The following PHC3 variants were observed in gnomAD, a reference collection of about 807,000 sequenced individuals.
The protein encoded by PHC3 is polyhomeotic homolog 3.
PHC3 carries 13 observed loss-of-function variants against 107.4 expected under a neutral mutation model. That is an observed-to-expected ratio of 0.12 (90% CI 0.08 to 0.19). PHC3 has a LOEUF of 0.19. PHC3 is among the 10% of genes least tolerant of loss of function. The pLI is 1.00. For missense variants in PHC3, 992 were observed against 1,210.9 expected, an observed-to-expected ratio of 0.82 and a Z score of 2.68; for synonymous variants, 456 against 427.4, an observed-to-expected ratio of 1.07 and a Z score of -0.83.
chr3:170,160,958 T>C (rs1403506716), intron 4 of PHC3, among the ~76,000 whole-genome samples: 1 of 152,164 alleles, frequency 6.6e-6, no homozygotes, highest in African/African-American at 2.4e-5. Context: ...CTTTTAGAAT[T>C]TATCTAGCAG....
chr3:170,135,137 T>A (rs187842014), intron 7 of PHC3, among the ~76,000 whole-genome samples: 31 of 151,158 alleles, frequency 2.1e-4, no homozygotes, highest in Admixed American at 1.4e-3. Context: ...ACAAAGGAAG[T>A]TTTTTGTTTG....
chr3:170,099,481 G>A (rs746711167), intron 14 of PHC3, among the ~76,000 whole-genome samples: 16 of 152,172 alleles, frequency 1.1e-4, no homozygotes, highest in Non-Finnish European at 2.2e-4. Flanking sequence ...GGTATACTGA[G>A]ATAAAGTTCT....
chr3:170,165,593 A>C (rs1327300555), intron 4 of PHC3, among the ~76,000 whole-genome samples: 1 of 151,836 alleles, frequency 6.6e-6, no homozygotes, highest in African/African-American at 2.4e-5. Flanking sequence ...GTCTCTACTA[A>C]AAATACAAAA....
chr3:170,098,558 T>TA (rs1431749293), intron 14 of PHC3, among the ~76,000 whole-genome samples: 2 of 152,176 alleles, frequency 1.3e-5, no homozygotes, highest in Non-Finnish European at 2.9e-5. Context: ...CAAAGCATTA[T>TA]AGGTACTGAA....
At chr3:170,146,774 C>A (rs1725035762) in intron 5 of PHC3, among the ~76,000 whole-genome samples, 1 of 151,656 alleles carries the variant, frequency 6.6e-6, no homozygotes, top group Non-Finnish European at 1.5e-5. Context: ...CTCAAGTGAT[C>A]CGCCCACCTC....
At chr3:170,128,051 T>C (rs1450715032) in intron 8 of PHC3, among the ~76,000 whole-genome samples, 1 of 152,156 alleles carries the variant, frequency 6.6e-6, no homozygotes, top group African/African-American at 2.4e-5. Context: ...ATATTTTTCC[T>C]TAGTAGAAAT....
chr3:170,172,481 C>A, intron 3 of PHC3, 76 bp downstream of exon 3: 1 of 1,472,720 alleles, frequency 6.8e-7, no homozygotes, highest in South Asian at 1.3e-5. Context: ...TGAAATAATA[C>A]CCAATCTATT....
intron 1 of PHC3, among the ~76,000 whole-genome samples, chr3:170,180,219 G>T (rs546881535): frequency 1.3e-5 from 2 of 151,994 alleles, no homozygotes; most frequent in East Asian, 3.9e-4. Context: ...CACTCAGGGG[G>T]AGGACTGCTT....
chr3:170,113,088 C>T (rs148978702), intron 11 of PHC3, among the ~76,000 whole-genome samples: 35 of 152,170 alleles, frequency 2.3e-4, no homozygotes, highest in Non-Finnish European at 3.8e-4. Context: ...TTCTGAATTG[C>T]CTTCTCTCAC....
intron 14 of PHC3, among the ~76,000 whole-genome samples, chr3:170,099,296 A>C (rs1180002649): frequency 1.3e-5 from 2 of 152,136 alleles, no homozygotes; most frequent in East Asian, 3.8e-4. Context: ...GGGAATTAGC[A>C]CGATCAAATA....
chr3:170,135,186 T>G (rs948482340), intron 7 of PHC3, among the ~76,000 whole-genome samples: 1 of 152,224 alleles, frequency 6.6e-6, no homozygotes, highest in African/African-American at 2.4e-5. Flanking sequence ...AGTCTTGCTC[T>G]GTCGCCCAGG....
chr3:170,154,181 G>A (rs1202782647), intron 4 of PHC3, among the ~76,000 whole-genome samples: 11 of 152,062 alleles, frequency 7.2e-5, no homozygotes, highest in Admixed American at 7.2e-4. Context: ...CATATATCCA[G>A]TATCTACGAA....
At chr3:170,168,976 A>G (rs1311905627) in intron 4 of PHC3, among the ~76,000 whole-genome samples, 5 of 150,572 alleles carry the variant, frequency 3.3e-5, no homozygotes, top group South Asian at 2.1e-4. Context: ...CAGATTTTGG[A>G]AAGATACAAA....
intron 4 of PHC3, among the ~76,000 whole-genome samples, chr3:170,168,031 G>T (rs889513985): frequency 3.9e-5 from 6 of 152,042 alleles, no homozygotes; most frequent in Non-Finnish European, 7.4e-5. Flanking sequence ...GCATAGTGGT[G>T]TGCGCCTGTA....
chr3:170,147,702 G>C lies in PHC3; in HGVS notation c.573+1384C>G, dbSNP rs1222152488. On this transcript the variant is annotated intron_variant, in intron 5 of 14. Coordinates refer to ENST00000495893, the MANE Select transcript of PHC3 (RefSeq NM_024947.4). ...TATGCCTTGAGCATCCTCAGATTTGGGTATTCTAGGGGACAGAGAGGGTAG... is the reference window on the plus strand; with the variant it reads ...TATGCCTTGAGCATCCTCAGATTTGCGTATTCTAGGGGACAGAGAGGGTAG... 6 of 152,080 alleles carry C rather than the reference G, an allele frequency of 3.9e-5. No homozygotes were observed. The East Asian group carries it at 1.2e-3, about 29-fold the overall frequency. The allele number at this position is 152,080 out of a possible 1,614,324, so 9.4% of individuals were successfully genotyped here.
chr3:170,172,033 T>C (rs999491223), intron 3 of PHC3, among the ~76,000 whole-genome samples: 1 of 152,148 alleles, frequency 6.6e-6, no homozygotes, highest in East Asian at 1.9e-4. Context: ...AATAATATGA[T>C]TGGATTTTAG....
chr3:170,107,394 T>G (rs1192191342), intron 11 of PHC3, among the ~76,000 whole-genome samples: 1 of 152,142 alleles, frequency 6.6e-6, no homozygotes, highest in Non-Finnish European at 1.5e-5. Flanking sequence ...TAAAGATGGC[T>G]TCAAAATGGT....
intron 4 of PHC3, among the ~76,000 whole-genome samples, chr3:170,151,335 T>C (rs58442066): frequency 0.011 from 1,750 of 152,244 alleles, 29 homozygotes; most frequent in African/African-American, 0.039. Flanking sequence ...AAGAATACTT[T>C]ATTGGACTTC....
At chr3:170,116,723 A>AACACGGCGACC (rs1335920131) in intron 10 of PHC3, among the ~76,000 whole-genome samples, 1 of 152,028 alleles carries the variant, frequency 6.6e-6, no homozygotes, top group African/African-American at 2.4e-5. Flanking sequence ...CAGCCTGAGA[A>AACACGGCGACC]ACACGGCAAG....
Sources: allele counts gnomAD v4.1 joint callset (sites outside exome capture counted in the v4.1 genomes callset), GRCh38; gene constraint gnomAD v4.1.1; transcripts MANE v1.5; gene names NCBI Gene and HGNC (gene_info 2026-07-23, HGNC 2026-07-21).